The following HK1 variants were observed in gnomAD, a reference collection of about 807,000 sequenced individuals.
HK1 encodes the protein hexokinase 1.
HK1 carries 28 observed loss-of-function variants against 91.6 expected under a neutral mutation model. The ratio of observed to expected loss-of-function variants is 0.31; its 90% CI spans 0.23 to 0.42. The LOEUF (loss-of-function observed/expected upper bound fraction) is 0.42, where lower values mean the gene tolerates loss of function less well. HK1 is among the 10% of genes least tolerant of loss of function. HK1 has a pLI of 1.00. For synonymous variants in HK1, 430 were observed against 468.1 expected (o/e 0.92, Z 1.05); for missense variants, 770 against 1,219.8 (o/e 0.63, Z 5.49).
rs1840076819 is a variant in HK1, at chr10:69,395,108, G to A, written c.2375+3G>A. 6.2e-7 allele frequency: 1 copy of A among 1,613,474 alleles called. No homozygotes were observed. Among genetic ancestry groups the A allele is most frequent in the South Asian group, 1.1e-5 (1 of 90,872 alleles). ...AAGTTTCTCTCTCAGATCGAGAGGT[G>A]AGTGGGCAGTGTCTTCCCTGCCAGC... is the stretch of plus-strand genomic sequence containing the variant. On this transcript the variant is annotated splice_donor_region_variant and intron_variant, in intron 16 of 17. Coordinates refer to ENST00000359426, the MANE Select transcript of HK1 (RefSeq NM_000188.3).
Position 69,364,811 on chromosome 10 carries a change from G to C in HK1, c.404G>C (p.Gly135Ala). The C allele has an allele frequency of 6.2e-7, 1 of 1,614,202 alleles. No homozygotes were observed. Reference sequence around the variant, plus strand: ...TTTGATCATGTTGCTGAGTGCCTGGGAGATTTCATGGAGAAAAGGAAGATC... The same window carrying C: ...TTTGATCATGTTGCTGAGTGCCTGGCAGATTTCATGGAGAAAAGGAAGATC... The part of the protein sequence containing the change: ...QLFDHVAECL[G>A]DFMEKRKIKD... The change falls in exon 4 of 18, where the codon GGA becomes GCA. Residue 135 changes from glycine to alanine, a missense_variant. Coordinates refer to ENST00000359426, the MANE Select transcript of HK1 (RefSeq NM_000188.3).
chr10:69,286,329 C>T (rs80035028), intron 2 of HK1, among the ~76,000 whole-genome samples: 3,181 of 152,066 alleles, frequency 0.021, 117 homozygotes, highest in African/African-American at 0.072. Flanking sequence ...GAGATCCCGT[C>T]TCTACAAAAA....
chr10:69,359,175 A>G (rs758051154), intron 2 of HK1, among the ~76,000 whole-genome samples: 2 of 152,224 alleles, frequency 1.3e-5, no homozygotes, highest in African/African-American at 2.4e-5. Context: ...TGAAATATCC[A>G]GAATAGGCAA....
intron 13 of HK1, 120 bp downstream of exon 13, chr10:69,386,538 C>T: frequency 2.8e-6 from 2 of 722,984 alleles, no homozygotes; most frequent in South Asian, 3.0e-5. Flanking sequence ...AATCCCAGCA[C>T]TTTGGGAGGC....
At chr10:69,355,160 A>G (rs558768489) in intron 2 of HK1, among the ~76,000 whole-genome samples, 1 of 152,088 alleles carries the variant, frequency 6.6e-6, no homozygotes, top group South Asian at 2.1e-4. Flanking sequence ...ACCTTCATTA[A>G]TTCCACAAGT....
chr10:69,359,745 G>A (rs909639337), intron 2 of HK1, 152 bp from the exon 3 acceptor site: 4 of 766,074 alleles, frequency 5.2e-6, no homozygotes, highest in Middle Eastern at 3.5e-4. Context: ...GCAGTGGTTG[G>A]ATGAAGTTTG....
chr10:69,276,374 T>C (rs1400371702), intron 1 of HK1, among the ~76,000 whole-genome samples: 1 of 151,528 alleles, frequency 6.6e-6, no homozygotes, highest in East Asian at 1.9e-4. Context: ...AATATTAACA[T>C]CTGGCCAGGC....
chr10:69,318,670 G>C (rs1846798703), upstream of HK1, among the ~76,000 whole-genome samples: 1 of 152,130 alleles, frequency 6.6e-6, no homozygotes. Flanking sequence ...CCGCGTCCCC[G>C]CTCCCCGGCC....
intron 1 of HK1, among the ~76,000 whole-genome samples, chr10:69,320,105 A>G (rs1415716400): frequency 6.6e-6 from 1 of 152,148 alleles, no homozygotes; most frequent in African/African-American, 2.4e-5. Flanking sequence ...CTGTGCATCT[A>G]AGATGACTCC....
intron 1 of HK1, among the ~76,000 whole-genome samples, chr10:69,342,808 A>G (rs1157396100): frequency 6.6e-6 from 1 of 152,236 alleles, no homozygotes; most frequent in African/African-American, 2.4e-5. Context: ...CTACAGGGAT[A>G]GTGCCATCAG....
intron 1 of HK1, among the ~76,000 whole-genome samples, chr10:69,329,581 C>G (rs1323660223): frequency 6.6e-6 from 1 of 152,110 alleles, no homozygotes; most frequent in Non-Finnish European, 1.5e-5. Flanking sequence ...AAACGAAGGC[C>G]CCCCAGGTGG....
At chr10:69,356,851 C>T (rs1256645860) in intron 2 of HK1, among the ~76,000 whole-genome samples, 2 of 139,384 alleles carry the variant, frequency 1.4e-5, no homozygotes, top group African/African-American at 5.7e-5. Context: ...CCACTGCCCT[C>T]CAAGCTGGGC....
chr10:69,371,831 A>G (rs1850021008), intron 7 of HK1, among the ~76,000 whole-genome samples: 1 of 152,180 alleles, frequency 6.6e-6, no homozygotes, highest in Admixed American at 6.5e-5. Flanking sequence ...GGATGGATGG[A>G]TGGGTGGCTG....
intron 14 of HK1, among the ~76,000 whole-genome samples, chr10:69,391,114 T>C (rs1298773651): frequency 1.3e-5 from 2 of 152,196 alleles, no homozygotes; most frequent in Non-Finnish European, 2.9e-5. Context: ...GGCAAGCATA[T>C]GTCAGGTTGC....
At chr10:69,362,050 A>G (rs1033303889) in intron 3 of HK1, among the ~76,000 whole-genome samples, 2 of 152,202 alleles carry the variant, frequency 1.3e-5, no homozygotes, top group African/African-American at 4.8e-5. Context: ...CTGCCTGTTC[A>G]GGTGTGAGCC....
chr10:69,295,605 C>T lies in HK1; in HGVS notation c.-114-28C>T, dbSNP rs545994881. 9 of 1,548,238 alleles carry T rather than the reference C, an allele frequency of 5.8e-6. No individual in the cohort carries two copies. In the Admixed American group the frequency reaches 6.7e-5, roughly 11 times the overall value. On this transcript the variant is annotated intron_variant, in intron 3 of 21. Transcript: ENST00000360289. ...GCAAGTTGCTAAAATGCATTTGTAA[C>T]ACTTTACTTGTCCTGTCTTTCTCTA...
At chr10:69,331,969 G>T (rs1847750059) in intron 1 of HK1, among the ~76,000 whole-genome samples, 1 of 152,158 alleles carries the variant, frequency 6.6e-6, no homozygotes. Flanking sequence ...TATTTCATTT[G>T]GGAGTCTGAG....
intron 2 of HK1, among the ~76,000 whole-genome samples, chr10:69,347,641 G>A (rs1160091756): frequency 1.3e-5 from 2 of 151,808 alleles, no homozygotes; most frequent in Non-Finnish European, 2.9e-5. Context: ...TCACCATGTT[G>A]GCCAGACTGG....
At position 69,308,515 on chromosome 10, in the gene HK1, A is replaced by G. The variant is rs1846212908; in HGVS notation, c.27+7654A>G. Reference sequence around the variant, plus strand: ...CTGCAGGCACTGGTAATCAGAACAAAACAGAACAGGACAGGGATTTTTACA... The same window carrying G: ...CTGCAGGCACTGGTAATCAGAACAAGACAGAACAGGACAGGGATTTTTACA... On this transcript the variant is annotated intron_variant, in intron 5 of 21. Transcript: ENST00000360289. Among the ~76,000 whole-genome samples the G allele has an allele frequency of 2.0e-5, 3 of 152,120 alleles. No individual in the cohort carries two copies. In the South Asian group the frequency reaches 6.2e-4, roughly 31 times the overall value.
Sources: allele counts gnomAD v4.1 joint callset (sites outside exome capture counted in the v4.1 genomes callset), GRCh38; gene constraint gnomAD v4.1.1; transcripts MANE v1.5; gene names NCBI Gene and HGNC (gene_info 2026-07-23, HGNC 2026-07-21).